The following THSD4 variants were observed in gnomAD, a reference collection of about 807,000 sequenced individuals.
THSD4 encodes thrombospondin type 1 domain containing 4.
Under a neutral mutation model 119.0 loss-of-function variants are expected in THSD4, and 69 were observed. The ratio of observed to expected loss-of-function variants is 0.58; its 90% CI spans 0.48 to 0.71. The LOEUF (loss-of-function observed/expected upper bound fraction) is 0.71, where lower values mean the gene tolerates loss of function less well. THSD4 is among the 30% of genes least tolerant of loss of function. THSD4 has a pLI of 0.00. For missense variants in THSD4, 1,393 were observed against 1,391.1 expected (o/e 1.00, Z -0.02); for synonymous variants, 524 against 540.4 (o/e 0.97, Z 0.42).
At chr15:71,547,345 T>C in intron 7 of THSD4, 1 of 1,545,178 alleles carries the variant, frequency 6.5e-7, no homozygotes, top group Non-Finnish European at 8.7e-7. Context: ...CACAAGTGCA[T>C]CTGCTAGCTG....
At chr15:71,459,380 GTCTCTC>G (rs141034841) in intron 7 of THSD4, among the ~76,000 whole-genome samples, 40 of 137,746 alleles carry the variant, frequency 2.9e-4, no homozygotes, top group African/African-American at 8.6e-4. Context: ...CTGTCTCTCT[GTCTCTC>G]TCTCTCTCTC....
At chr15:71,284,837 A>C (rs761795854) in intron 6 of THSD4, among the ~76,000 whole-genome samples, 33 of 152,160 alleles carry the variant, frequency 2.2e-4, no homozygotes, top group Non-Finnish European at 4.7e-4. Flanking sequence ...TTAAAAAAAA[A>C]CAATTCAACA....
intron 8 of THSD4, among the ~76,000 whole-genome samples, chr15:71,708,490 C>T (rs576862015): frequency 1.3e-5 from 2 of 152,224 alleles, no homozygotes; most frequent in Middle Eastern, 3.4e-3. Context: ...AAATACCAAA[C>T]GTGCAGCCAG....
chr15:71,408,981 A>C (rs78969627), intron 6 of THSD4, among the ~76,000 whole-genome samples: 3,595 of 152,232 alleles, frequency 0.024, 137 homozygotes, highest in African/African-American at 0.083. Context: ...TTTGTTAAGA[A>C]GTCCCTTGTC....
chr15:71,687,167 A>T (rs1249277284), intron 8 of THSD4, among the ~76,000 whole-genome samples: 1 of 152,170 alleles, frequency 6.6e-6, no homozygotes, highest in African/African-American at 2.4e-5. Flanking sequence ...ACCCCTAGAG[A>T]ATAAAAATTA....
chr15:71,333,626 G>A (rs1286296695), intron 6 of THSD4, among the ~76,000 whole-genome samples: 3 of 152,078 alleles, frequency 2.0e-5, no homozygotes, highest in Non-Finnish European at 2.9e-5. Flanking sequence ...CATCAGCATG[G>A]GCATTTTTTA....
chr15:71,101,043 A>T (rs980163672), intron 1 of THSD4, among the ~76,000 whole-genome samples: 1 of 152,072 alleles, frequency 6.6e-6, no homozygotes, highest in African/African-American at 2.4e-5. Context: ...AATAAAATTG[A>T]TATGTTTGTA....
intron 3 of THSD4, among the ~76,000 whole-genome samples, chr15:71,201,559 T>C (rs2043803757): frequency 6.6e-6 from 1 of 152,216 alleles, no homozygotes; most frequent in African/African-American, 2.4e-5. Context: ...ACTGTGAGCA[T>C]TGGAAATAGC....
chr15:71,502,912 A>T (rs1595834150), intron 7 of THSD4, among the ~76,000 whole-genome samples: 2 of 152,348 alleles, frequency 1.3e-5, no homozygotes, highest in South Asian at 2.1e-4. Context: ...CAGGTGCCGC[A>T]TCAGAGTTTG....
chr15:71,322,175 A>C (rs2045277953), intron 6 of THSD4, among the ~76,000 whole-genome samples: 1 of 152,186 alleles, frequency 6.6e-6, no homozygotes, highest in South Asian at 2.1e-4. Context: ...AGGAACTTTG[A>C]GGAAATGACC....
intron 14 of THSD4, 37 bp downstream of exon 14, chr15:71,748,631 G>T (rs781086897): frequency 6.2e-7 from 1 of 1,607,332 alleles, no homozygotes. Context: ...GGGGACCGAG[G>T]TCTGCCAGGT....
chr15:71,629,719 T>G (rs1242510923), intron 7 of THSD4, among the ~76,000 whole-genome samples: 2 of 152,174 alleles, frequency 1.3e-5, no homozygotes, highest in African/African-American at 2.4e-5. Flanking sequence ...TGCCTCAGCC[T>G]CCCTGTAAGC....
At chr15:71,383,037 G>T (rs1382792897) in intron 6 of THSD4, among the ~76,000 whole-genome samples, 3 of 152,242 alleles carry the variant, frequency 2.0e-5, no homozygotes, top group African/African-American at 4.8e-5. Context: ...TTGGGGTTGA[G>T]TCAAGGGACC....
intron 6 of THSD4, among the ~76,000 whole-genome samples, chr15:71,315,197 C>G (rs2140354261): frequency 6.6e-6 from 1 of 152,348 alleles, no homozygotes; most frequent in South Asian, 2.1e-4. Flanking sequence ...GCCTTCATCT[C>G]TCCTCATCTC....
chr15:71,198,827 C>T (rs1460719667), intron 3 of THSD4, among the ~76,000 whole-genome samples: 1 of 152,202 alleles, frequency 6.6e-6, no homozygotes, highest in Admixed American at 6.5e-5. Context: ...TAAAACTTCA[C>T]ATATAACCCA....
At chr15:71,473,934 A>G (rs1263771397) in intron 7 of THSD4, among the ~76,000 whole-genome samples, 1 of 152,186 alleles carries the variant, frequency 6.6e-6, no homozygotes, top group Non-Finnish European at 1.5e-5. Context: ...GGCAGGGCCT[A>G]TATGGTGGTT....
chr15:71,326,331 A>G (rs1002624531), intron 6 of THSD4, among the ~76,000 whole-genome samples: 2 of 151,984 alleles, frequency 1.3e-5, no homozygotes, highest in African/African-American at 4.8e-5. Context: ...TCCAGAGTGA[A>G]CACTCAGAAA....
chr15:71,199,284 A>G (rs1034524083), intron 3 of THSD4, among the ~76,000 whole-genome samples: 8 of 152,096 alleles, frequency 5.3e-5, no homozygotes, highest in Non-Finnish European at 1.2e-4. Context: ...TGCGATGGCC[A>G]TGCTCTGGGG....
intron 5 of THSD4, among the ~76,000 whole-genome samples, chr15:71,250,607 C>A (rs2044249591): frequency 6.6e-6 from 1 of 152,140 alleles, no homozygotes; most frequent in Admixed American, 6.6e-5. Flanking sequence ...CATGGGTCCA[C>A]CACACCAGAC....
Sources: gnomAD v4.1 joint callset for allele counts (sites outside exome capture counted in the v4.1 genomes callset) on GRCh38, gnomAD v4.1.1 for gene constraint, MANE v1.5 for transcripts, NCBI Gene and HGNC (gene_info 2026-07-23, HGNC 2026-07-21) for gene names.